Variants in CYP2J2 observed in about 807,000 individuals in gnomAD.
CYP2J2 encodes cytochrome P450 2J2.
CYP2J2 carries 41 observed loss-of-function variants against 48.8 expected under a neutral mutation model. That is an observed-to-expected ratio of 0.84 (90% CI 0.66 to 1.09). CYP2J2 has a LOEUF of 1.09. Among genes scored for constraint, CYP2J2 ranks in the 50% least tolerant of loss-of-function variants. CYP2J2 has a pLI of 0.00. For synonymous variants in CYP2J2, 221 were observed against 227.1 expected (o/e 0.97, Z 0.24); for missense variants, 644 against 617.3 (o/e 1.04, Z -0.46).
At chr1:59,958,868 C>G in the CYP2J2 span, among the ~76,000 whole-genome samples, 1 of 152,002 alleles carries the variant, frequency 6.6e-6, no homozygotes, top group African/African-American at 2.4e-5. Flanking sequence ...TTTTAGTATC[C>G]CATTCTCCTT....
At chr1:59,959,648 T>C in the CYP2J2 span, among the ~76,000 whole-genome samples, 4 of 152,064 alleles carry the variant, frequency 2.6e-5, no homozygotes, top group Admixed American at 6.6e-5. Context: ...TATATGTATA[T>C]ACATATATGC....
rs761997229 is a variant in CYP2J2 at position 59,911,677 on chromosome 1, A to G, written c.615T>C (p.Asp205=). The G allele has an allele frequency of 1.9e-6, 3 of 1,613,648 alleles. No homozygotes were observed. The highest frequency in any genetic ancestry group is 1.3e-5 in the African/African-American group (1 of 75,014). Residue 205 remains aspartate, a synonymous_variant, in exon 4 of 9, where the codon GAT becomes GAC. Coordinates refer to ENST00000371204, the MANE Select transcript of CYP2J2 (RefSeq NM_000775.4). ...ITFGERFEYQ[D]SWFQQLLKLL... The stretch of plus-strand genomic sequence containing the variant: ...ACTTCAGCAGCTGCTGAAACCAACT[A>G]TCCTGGTACTCAAAGCGTTCTCCGA...
rs991287219 is a variant in CYP2J2, at chr1:59,916,067, C to T, written c.244G>A (p.Glu82Lys). The T allele has an allele frequency of 5.0e-5, 80 of 1,612,162 alleles. No homozygotes were observed. Among genetic ancestry groups the T allele is most frequent in the Non-Finnish European group, 6.4e-5 (76 of 1,179,340 alleles). ...VKKYGNLFSL[E>K]LGDISAVLIT... Reference sequence around the variant, plus strand: ...AGAACTGCAGATATGTCACCAAGCTCCAAGCTAAAAAGGTTCCCATATTTC... The same window carrying T: ...AGAACTGCAGATATGTCACCAAGCTTCAAGCTAAAAAGGTTCCCATATTTC... Residue 82 changes from glutamate (E) to lysine (K), a missense_variant, in exon 2 of 9, where the codon GAG (glutamate) becomes AAG (lysine). Transcript: ENST00000371204.
intron 5 of CYP2J2, among the ~76,000 whole-genome samples, chr1:59,909,369 G>A (rs1303554784): frequency 2.6e-5 from 4 of 152,152 alleles, no homozygotes; most frequent in African/African-American, 9.7e-5. Context: ...ACATTCCAGT[G>A]GGCCCAGTGT....
At chr1:59,936,660 T>C in the CYP2J2 span, among the ~76,000 whole-genome samples, 5 of 152,182 alleles carry the variant, frequency 3.3e-5, no homozygotes, top group African/African-American at 1.2e-4. Flanking sequence ...TCTATGTTGA[T>C]TATTTACTTT....
At chr1:59,948,818 G>A in the CYP2J2 span, among the ~76,000 whole-genome samples, 1 of 152,164 alleles carries the variant, frequency 6.6e-6, no homozygotes, top group Non-Finnish European at 1.5e-5. Context: ...GATGGAGAAT[G>A]TAGTGCAACC....
At chr1:59,908,849 G>A (rs549888048) in intron 5 of CYP2J2, among the ~76,000 whole-genome samples, 1 of 152,252 alleles carries the variant, frequency 6.6e-6, no homozygotes, top group South Asian at 2.1e-4. Context: ...CTATAATGTT[G>A]GAAAGTGAAA....
At chr1:59,947,215 G>A in the CYP2J2 span, among the ~76,000 whole-genome samples, 1 of 152,104 alleles carries the variant, frequency 6.6e-6, no homozygotes. Context: ...GCTACATTTT[G>A]TAAAGCAAAA....
the CYP2J2 span, among the ~76,000 whole-genome samples, chr1:59,943,689 T>TCC: frequency 6.7e-6 from 1 of 150,182 alleles, no homozygotes; most frequent in African/African-American, 2.5e-5. Flanking sequence ...TTTTTTTTTT[T>TCC]CCCCCCACAA....
chr1:59,911,433 T>C (rs1409732944), intron 4 of CYP2J2, among the ~76,000 whole-genome samples, 175 bp downstream of exon 4: 2 of 152,232 alleles, frequency 1.3e-5, no homozygotes, highest in African/African-American at 4.8e-5. Flanking sequence ...ATATTCCATA[T>C]TAGTTAAAAA....
the CYP2J2 span, among the ~76,000 whole-genome samples, chr1:59,937,645 T>A: frequency 6.6e-6 from 1 of 152,164 alleles, no homozygotes. Context: ...TCCCTTTGAA[T>A]AAAGTTTCTA....
At chr1:59,931,269 T>A (rs574905871), upstream of CYP2J2, among the ~76,000 whole-genome samples, 23 of 152,266 alleles carry the variant, frequency 1.5e-4, no homozygotes, top group African/African-American at 5.5e-4. Flanking sequence ...AAGCTGTAAT[T>A]GACAAATTGC....
chr1:59,927,642 A>G (rs1557432840), upstream of CYP2J2, among the ~76,000 whole-genome samples: 1 of 152,126 alleles, frequency 6.6e-6, no homozygotes, highest in Non-Finnish European at 1.5e-5. Context: ...GCTGGAGTTC[A>G]GCTCACTGCA....
At chr1:59,901,253 C>A in intron 7 of CYP2J2, 150 bp from the exon 8 acceptor site, 1 of 656,158 alleles carries the variant, frequency 1.5e-6, no homozygotes, top group Non-Finnish European at 2.5e-6. Flanking sequence ...CTGTGTCCCC[C>A]AACCCAGGAC....
At chr1:59,895,613 T>C (rs1488411263) in intron 8 of CYP2J2, among the ~76,000 whole-genome samples, 1 of 152,084 alleles carries the variant, frequency 6.6e-6, no homozygotes, top group African/African-American at 2.4e-5. Context: ...CCATTGCTAT[T>C]TCTTGACCAT....
upstream of CYP2J2, among the ~76,000 whole-genome samples, chr1:59,930,121 G>A (rs1644596061): frequency 6.6e-6 from 1 of 152,172 alleles, no homozygotes; most frequent in Non-Finnish European, 1.5e-5. Context: ...TATATTCTAA[G>A]TGCTAAAAGA....
intron 2 of CYP2J2, 93 bp downstream of exon 2, chr1:59,915,845 G>C: frequency 8.1e-7 from 1 of 1,240,742 alleles, no homozygotes; most frequent in Admixed American, 2.4e-5. Flanking sequence ...TGGTTTCTAG[G>C]AGTGTTGGAA....
upstream of CYP2J2, among the ~76,000 whole-genome samples, chr1:59,930,648 C>T (rs1644598380): frequency 6.6e-6 from 1 of 151,712 alleles, no homozygotes; most frequent in African/African-American, 2.4e-5. Flanking sequence ...GTATATTAAT[C>T]TTATCAAATA....
At chr1:59,906,871 C>G (rs1421361710) in intron 6 of CYP2J2, among the ~76,000 whole-genome samples, 5 of 152,168 alleles carry the variant, frequency 3.3e-5, no homozygotes, top group Non-Finnish European at 7.4e-5. Flanking sequence ...TACCTTAGTA[C>G]ATGGGAAGCA....
Sources: gnomAD v4.1 joint callset for allele counts (sites outside exome capture counted in the v4.1 genomes callset) on GRCh38, gnomAD v4.1.1 for gene constraint, MANE v1.5 for transcripts, NCBI Gene and HGNC (gene_info 2026-07-23, HGNC 2026-07-21) for gene names.